Variants in ACACA observed in about 807,000 individuals in gnomAD.
ACACA encodes the protein acetyl-CoA carboxylase 1.
A neutral mutation model predicts 296.1 loss-of-function variants in ACACA; 103 were observed. That is an observed-to-expected ratio of 0.35 (90% CI 0.30 to 0.41). The LOEUF (loss-of-function observed/expected upper bound fraction) is 0.41, where lower values mean the gene tolerates loss of function less well. ACACA is among the 10% of genes least tolerant of loss of function. The pLI, the probability that ACACA is intolerant of heterozygous loss-of-function variation, is 1.00. For synonymous variants in ACACA, 953 were observed against 1,038.6 expected, an observed-to-expected ratio of 0.92 and a Z score of 1.58; for missense variants, 1,554 against 2,989.7, an observed-to-expected ratio of 0.52 and a Z score of 11.20.
At chr17:37,235,366 C>T (rs1483208160) in intron 24 of ACACA, among the ~76,000 whole-genome samples, 1 of 151,980 alleles carries the variant, frequency 6.6e-6, no homozygotes, top group African/African-American at 2.4e-5. Context: ...AATCATTTTA[C>T]CTCTCTGGGC....
rs977208162 is a variant in ACACA, at chr17:37,403,668, G to A, written c.38+2594C>T. ...GCAGGGATCCCAGGTGTGAGGCACC[G>A]TGTCCTGCCCTCTCCACATCTTTCT... On this transcript the variant is annotated intron_variant, in intron 1 of 55. Transcript: ENST00000616317. 1.8e-4 allele frequency among the ~76,000 whole-genome samples: 27 copies of A among 152,144 alleles called. 1 individual carries two copies. Among genetic ancestry groups the A allele is most frequent in the African/African-American group, 5.6e-4 (23 of 41,426 alleles).
intron 45 of ACACA, among the ~76,000 whole-genome samples, chr17:37,138,624 G>T (rs2075428962): frequency 6.6e-6 from 1 of 152,178 alleles, no homozygotes; most frequent in Non-Finnish European, 1.5e-5. Flanking sequence ...CTAGTGCCTG[G>T]TAAATGGAAT....
intron 6 of ACACA, among the ~76,000 whole-genome samples, chr17:37,277,564 G>A (rs926776345): frequency 2.6e-5 from 4 of 152,194 alleles, no homozygotes; most frequent in African/African-American, 7.2e-5. Flanking sequence ...TGACAGGGAA[G>A]AAACAGCCTA....
intron 1 of ACACA, among the ~76,000 whole-genome samples, chr17:37,381,259 C>G (rs1313375865): frequency 1.3e-5 from 2 of 152,018 alleles, no homozygotes; most frequent in African/African-American, 4.8e-5. Flanking sequence ...GATCTCGTCT[C>G]ACTGCAACCT....
At chr17:37,109,703 A>T (rs2073878793) in intron 52 of ACACA, among the ~76,000 whole-genome samples, 1 of 152,236 alleles carries the variant, frequency 6.6e-6, no homozygotes, top group African/African-American at 2.4e-5. Flanking sequence ...AAAAGTTAAA[A>T]GGTGCTGGTT....
chr17:37,385,789 T>A (rs888596038), intron 1 of ACACA, among the ~76,000 whole-genome samples: 1 of 152,182 alleles, frequency 6.6e-6, no homozygotes, highest in Non-Finnish European at 1.5e-5. Flanking sequence ...CTATGTTAGT[T>A]AAAAGTCCCA....
chr17:37,325,709 G>C (rs1168245011), intron 3 of ACACA, among the ~76,000 whole-genome samples: 2 of 149,344 alleles, frequency 1.3e-5, no homozygotes, highest in Non-Finnish European at 3.0e-5. Context: ...CGACTGGCTG[G>C]AACTACAGGC....
chr17:37,226,615 G>C (rs569078751), intron 25 of ACACA, among the ~76,000 whole-genome samples, 163 bp from the exon 26 acceptor site: 96 of 152,176 alleles, frequency 6.3e-4, no homozygotes, highest in Non-Finnish European at 1.1e-3. Flanking sequence ...TGGTAAAGAA[G>C]ATCCCAGAGG....
chr17:37,325,347 C>G (rs1185334601), intron 3 of ACACA, among the ~76,000 whole-genome samples: 1 of 145,580 alleles, frequency 6.9e-6, no homozygotes, highest in Admixed American at 7.0e-5. Context: ...GCCTGTACAA[C>G]AAGAGTGAAA....
At chr17:37,143,722 C>T (rs1460682988) in intron 45 of ACACA, 1 of 902,570 alleles carries the variant, frequency 1.1e-6, no homozygotes, top group East Asian at 2.4e-5. Context: ...CCTCCTCATC[C>T]TCTTCATCTT....
intron 45 of ACACA, chr17:37,143,695 ATCT>A (rs1207060301): frequency 1.3e-5 from 12 of 891,366 alleles, no homozygotes; most frequent in Middle Eastern, 3.4e-4. Flanking sequence ...CATCATCATC[ATCT>A]TCTTCATCTT....
rs1315490982 is a variant in ACACA at position 37,243,538 on chromosome 17, A to G, written c.2764T>C (p.Leu922=). The stretch of plus-strand genomic sequence containing the variant: ...GAGGGATCTCTGAGGGTTTTCATCA[A>G]TCGCTCTACCCAGTCTTTTACCTAG... ...SSKVKDWVER[L]MKTLRDPSLP... is the part of the protein sequence containing the mutation. The change falls in exon 22 of 56, where the codon TTG becomes CTG. Residue 922 remains leucine, a synonymous_variant. Transcript: ENST00000616317. 2.5e-6 allele frequency: 4 copies of G among 1,614,048 alleles called. No individual in the cohort carries two copies. The highest frequency in any genetic ancestry group is 1.7e-6 in the Non-Finnish European group (2 of 1,180,012).
At position 37,111,531 on chromosome 17, in the gene ACACA, C is replaced by G; in HGVS notation, c.6565G>C (p.Gly2189Arg). The change falls in exon 52 of 56, where the codon GGG (glycine) becomes CGG (arginine). Residue 2189 changes from glycine (G) to arginine (R), a missense_variant and splice_region_variant. Physicochemically the swap from Gly to Arg is moderately radical, Grantham distance 125. This residue lies in a region of ACACA where 553 missense variants were observed against 1,043.6 expected (regional missense o/e 0.53). Transcript: ENST00000616317. ...TTGCCAGAAGGACAAGCAGACATAC[C>G]CAATCGCTCAGCCAAGTGGATGTAG... is the stretch of plus-strand genomic sequence containing the variant. Reference protein sequence around the residue: ...PVYIHLAERLGTPELSTAERK... With the variant: ...PVYIHLAERLRTPELSTAERK... 1 of 1,611,552 alleles carries G rather than the reference C, an allele frequency of 6.2e-7. No individual in the cohort carries two copies. Among genetic ancestry groups the G allele is most frequent in the Non-Finnish European group, 8.5e-7 (1 of 1,177,662 alleles).
At chr17:37,202,962 CT>C (rs57395863) in intron 33 of ACACA, among the ~76,000 whole-genome samples, 1,933 of 139,884 alleles carry the variant, frequency 0.014, 40 homozygotes, top group African/African-American at 0.037. Context: ...GAAGAAAATG[CT>C]TTTTTTTTTT....
At chr17:37,373,436 A>G (rs1050702379) in intron 1 of ACACA, among the ~76,000 whole-genome samples, 2 of 151,738 alleles carry the variant, frequency 1.3e-5, no homozygotes, top group African/African-American at 4.8e-5. Flanking sequence ...TAGTAGAGAC[A>G]GGGTTTAACC....
At chr17:37,141,078 A>AT in intron 45 of ACACA, 1 of 436,628 alleles carries the variant, frequency 2.3e-6, no homozygotes, top group Non-Finnish European at 4.5e-6. Flanking sequence ...CAACATGGCC[A>AT]TTGTAGTCCC....
At chr17:37,103,686 G>A (rs1276879186) in intron 52 of ACACA, among the ~76,000 whole-genome samples, 1 of 151,370 alleles carries the variant, frequency 6.6e-6, no homozygotes, top group Non-Finnish European at 1.5e-5. Context: ...GATCAGCCTG[G>A]ACAACAAAGC....
chr17:37,162,983 C>A (rs1303800586), intron 41 of ACACA: 1 of 154,404 alleles, frequency 6.5e-6, no homozygotes, highest in Non-Finnish European at 1.4e-5. Flanking sequence ...CCCACTCCAC[C>A]CAGATCATGA....
chr17:37,157,611 C>T (rs1238322897), intron 42 of ACACA, among the ~76,000 whole-genome samples: 1 of 141,782 alleles, frequency 7.1e-6, no homozygotes, highest in African/African-American at 2.7e-5. Flanking sequence ...TCTTGACTCA[C>T]TGCAACCTCT....
Sources: allele counts gnomAD v4.1 joint callset (sites outside exome capture counted in the v4.1 genomes callset), GRCh38; gene constraint gnomAD v4.1.1; regional missense constraint gnomAD v4.1.1; transcripts MANE v1.5; gene names NCBI Gene and HGNC (gene_info 2026-07-23, HGNC 2026-07-21).